The following DTD1 variants were observed in gnomAD, a reference collection of about 807,000 sequenced individuals.
DTD1 encodes the protein D-aminoacyl-tRNA deacylase 1, also known as D-tyrosyl-tRNA deacylase 1 homolog.
DTD1 carries 13 observed loss-of-function variants against 25.6 expected under a neutral mutation model. The observed-to-expected ratio is 0.51, with a 90% CI of 0.33 to 0.81. The LOEUF is 0.81. Among genes scored for constraint, DTD1 ranks in the 30% least tolerant of loss-of-function variants. The pLI is 0.02. For missense variants in DTD1, 193 were observed against 266.4 expected (o/e 0.72, Z 1.92); for synonymous variants, 110 against 103.6 (o/e 1.06, Z -0.37).
intron 4 of DTD1, among the ~76,000 whole-genome samples, chr20:18,638,370 C>A (rs1254697656): frequency 6.6e-6 from 1 of 151,942 alleles, no homozygotes; most frequent in South Asian, 2.1e-4. Flanking sequence ...GAGAAACAAA[C>A]AAAAACAAAA....
intron 4 of DTD1, among the ~76,000 whole-genome samples, chr20:18,648,944 T>C (rs1187812735): frequency 1.6e-5 from 2 of 123,068 alleles, no homozygotes; most frequent in Non-Finnish European, 3.1e-5. Flanking sequence ...TGCAGTGAGC[T>C]GAGATCGCGC....
intron 4 of DTD1, among the ~76,000 whole-genome samples, chr20:18,722,982 C>G (rs548719366): frequency 6.6e-6 from 1 of 152,290 alleles, no homozygotes; most frequent in South Asian, 2.1e-4. Flanking sequence ...GAAACAACAT[C>G]TAAATAAATA....
intron 1 of DTD1, chr20:18,588,650 A>G (rs910895158): frequency 2.5e-6 from 2 of 797,594 alleles, no homozygotes; most frequent in East Asian, 1.3e-4. Context: ...CACGTACGTG[A>G]CTGGAGCCTA....
At chr20:18,735,400 A>T (rs140651542) in intron 4 of DTD1, among the ~76,000 whole-genome samples, 215 of 152,364 alleles carry the variant, frequency 1.4e-3, no homozygotes, top group African/African-American at 4.9e-3. Flanking sequence ...AACCAGGTCA[A>T]CTGAAGGCTT....
chr20:18,685,335 C>T (rs2061012321), intron 4 of DTD1, among the ~76,000 whole-genome samples: 1 of 152,194 alleles, frequency 6.6e-6, no homozygotes, highest in South Asian at 2.1e-4. Context: ...AGAGAGAATC[C>T]ACCCCAGGCA....
chr20:18,725,822 G>T (rs1329962364), intron 4 of DTD1, among the ~76,000 whole-genome samples: 1 of 152,104 alleles, frequency 6.6e-6, no homozygotes, highest in Non-Finnish European at 1.5e-5. Flanking sequence ...GCAGATGTCC[G>T]ACAAAAAACC....
chr20:18,696,222 C>T (rs1332391969), intron 4 of DTD1, among the ~76,000 whole-genome samples: 1 of 152,102 alleles, frequency 6.6e-6, no homozygotes, highest in Non-Finnish European at 1.5e-5. Flanking sequence ...CATATGTCAC[C>T]TTCCTGCCTG....
chr20:18,663,982 G>T (rs1348384767), intron 4 of DTD1, among the ~76,000 whole-genome samples: 1 of 152,180 alleles, frequency 6.6e-6, no homozygotes, highest in African/African-American at 2.4e-5. Context: ...TGAGATTCGG[G>T]TGGGGACACA....
At chr20:18,656,569 G>A (rs899909711) in intron 4 of DTD1, among the ~76,000 whole-genome samples, 3 of 152,150 alleles carry the variant, frequency 2.0e-5, no homozygotes, top group Non-Finnish European at 1.5e-5. Flanking sequence ...CAGGTAACAC[G>A]AAGGAGCACA....
At chr20:18,622,942 A>ATTTTTTTTTTTTTTTTTTTTTT (rs771564529) in intron 3 of DTD1, among the ~76,000 whole-genome samples, 10 of 129,756 alleles carry the variant, frequency 7.7e-5, no homozygotes, top group Non-Finnish European at 9.8e-5. Flanking sequence ...ATTTTATAGA[A>ATTTTTTTTTTTTTTTTTTTTTT]TTTTTTTTTT....
intron 4 of DTD1, among the ~76,000 whole-genome samples, chr20:18,654,180 C>G (rs1243587093): frequency 6.6e-6 from 1 of 152,226 alleles, no homozygotes; most frequent in Non-Finnish European, 1.5e-5. Flanking sequence ...CTCCCATAAT[C>G]TTCCCATGTT....
At chr20:18,755,720 G>A (rs367951357) in intron 5 of DTD1, among the ~76,000 whole-genome samples, 7 of 152,146 alleles carry the variant, frequency 4.6e-5, no homozygotes, top group South Asian at 2.1e-4. Context: ...GAATAGTGCC[G>A]CAATAAACAT....
chr20:18,722,089 T>C (rs1267140606), intron 4 of DTD1, among the ~76,000 whole-genome samples: 1 of 152,238 alleles, frequency 6.6e-6, no homozygotes. Context: ...GTGGCTGGAC[T>C]CCTCAGGCCC....
At chr20:18,591,155 C>T (rs2060587685) in intron 1 of DTD1, among the ~76,000 whole-genome samples, 1 of 152,098 alleles carries the variant, frequency 6.6e-6, no homozygotes, top group South Asian at 2.1e-4. Flanking sequence ...TTTGAATCTC[C>T]TAGTCCTTCT....
intron 4 of DTD1, chr20:18,675,395 T>G (rs1437071307): frequency 6.6e-6 from 1 of 152,250 alleles, no homozygotes; most frequent in African/African-American, 2.4e-5. Context: ...GTGGCAAACA[T>G]ACCTTCCGGT....
chr20:18,702,118 A>C (rs1486474392), intron 4 of DTD1, among the ~76,000 whole-genome samples: 1 of 152,220 alleles, frequency 6.6e-6, no homozygotes, highest in Non-Finnish European at 1.5e-5. Context: ...GTCTATTTGT[A>C]CATCCTTCAA....
At chr20:18,680,337 A>T (rs11699571) in intron 4 of DTD1, among the ~76,000 whole-genome samples, 2 of 146,246 alleles carry the variant, frequency 1.4e-5, no homozygotes, top group Admixed American at 6.9e-5. Flanking sequence ...GGTGTGTGCC[A>T]CCATGACTGG....
intron 4 of DTD1, among the ~76,000 whole-genome samples, chr20:18,683,387 T>C (rs572300844): frequency 1.3e-5 from 2 of 152,342 alleles, no homozygotes; most frequent in South Asian, 4.1e-4. Flanking sequence ...GTCTAAGACA[T>C]TATGGGTATT....
At chr20:18,589,373 C>T (rs1288375331) in intron 1 of DTD1, among the ~76,000 whole-genome samples, 1 of 118,230 alleles carries the variant, frequency 8.5e-6, no homozygotes, top group African/African-American at 3.0e-5. Flanking sequence ...ACAAACAAAA[C>T]CCCAAAACAA....
Sources: gnomAD v4.1 joint callset for allele counts (sites outside exome capture counted in the v4.1 genomes callset) on GRCh38, gnomAD v4.1.1 for gene constraint, MANE v1.5 for transcripts, NCBI Gene and HGNC (gene_info 2026-07-23, HGNC 2026-07-21) for gene names.